CPHXL2: variants seen among roughly 807,000 people sequenced by gnomAD.
CPHXL2 encodes the protein cytoplasmic polyadenylated homeobox-like protein 2.
chr16:75,663,542 CCTTT>C, the CPHXL2 span, among the ~76,000 whole-genome samples: 1 of 152,168 alleles, frequency 6.6e-6, no homozygotes, highest in African/African-American at 2.4e-5. Context: ...ATTATACCCT[CCTTT>C]CTTTTGGGAT....
the CPHXL2 span, among the ~76,000 whole-genome samples, chr16:75,671,897 G>A: frequency 1.3e-5 from 2 of 152,216 alleles, no homozygotes; most frequent in East Asian, 1.9e-4. Flanking sequence ...AGCCATGTAA[G>A]GATGGCTTTT....
the CPHXL2 span, among the ~76,000 whole-genome samples, chr16:75,673,164 G>C: frequency 6.6e-6 from 1 of 151,362 alleles, no homozygotes. Flanking sequence ...GCCAGGTGTG[G>C]TGGCGCATGC....
chr16:75,671,397 GATCAGA>G, the CPHXL2 span, among the ~76,000 whole-genome samples: 9 of 148,848 alleles, frequency 6.0e-5, no homozygotes, highest in East Asian at 1.8e-3. Context: ...TACCTTTCCA[GATCAGA>G]ATTCTCAATT....
chr16:75,670,423 T>C, the CPHXL2 span, among the ~76,000 whole-genome samples: 1 of 152,122 alleles, frequency 6.6e-6, no homozygotes, highest in African/African-American at 2.4e-5. Context: ...GTTCCATGAG[T>C]GTAGCTGGTT....
At chr16:75,675,608 G>A in the CPHXL2 span, among the ~76,000 whole-genome samples, 11 of 152,214 alleles carry the variant, frequency 7.2e-5, no homozygotes, top group Non-Finnish European at 1.0e-4. Context: ...CTACCTTCAC[G>A]CCACACTCCA....
At chr16:75,663,553 G>C in the CPHXL2 span, among the ~76,000 whole-genome samples, 1 of 152,014 alleles carries the variant, frequency 6.6e-6, no homozygotes, top group African/African-American at 2.4e-5. Context: ...CTTTCTTTTG[G>C]GATTACTGAT....
chr16:75,662,457 G>C, the CPHXL2 span, among the ~76,000 whole-genome samples: 1 of 151,584 alleles, frequency 6.6e-6, no homozygotes, highest in Non-Finnish European at 1.5e-5. Context: ...GGGTGGGGCT[G>C]AAAGTCCCAA....
the CPHXL2 span, among the ~76,000 whole-genome samples, chr16:75,669,921 G>T: frequency 6.6e-6 from 1 of 152,154 alleles, no homozygotes; most frequent in Non-Finnish European, 1.5e-5. Flanking sequence ...CTGGATTTGA[G>T]AATTTATCTT....
chr16:75,671,197 A>G, the CPHXL2 span, among the ~76,000 whole-genome samples: 1 of 152,146 alleles, frequency 6.6e-6, no homozygotes, highest in South Asian at 2.1e-4. Context: ...AGCCTGGCCA[A>G]CATGAAACAA....
the CPHXL2 span, among the ~76,000 whole-genome samples, chr16:75,666,329 T>G: frequency 6.6e-6 from 1 of 152,002 alleles, no homozygotes; most frequent in Non-Finnish European, 1.5e-5. Flanking sequence ...AATACAATAA[T>G]AGTGGAGGAT....
the CPHXL2 span, among the ~76,000 whole-genome samples, chr16:75,676,777 A>G: frequency 2.0e-5 from 3 of 152,218 alleles, no homozygotes; most frequent in African/African-American, 7.2e-5. Context: ...AATTTTATAA[A>G]CAAGAATCAT....
At chr16:75,669,874 T>G in the CPHXL2 span, among the ~76,000 whole-genome samples, 1 of 152,256 alleles carries the variant, frequency 6.6e-6, no homozygotes, top group Non-Finnish European at 1.5e-5. Context: ...GAGGCTCAGA[T>G]GTGTCCAGGG....
At chr16:75,668,509 A>G in the CPHXL2 span, among the ~76,000 whole-genome samples, 82 of 152,214 alleles carry the variant, frequency 5.4e-4, no homozygotes, top group Middle Eastern at 6.8e-3. Flanking sequence ...TTACAGGCGT[A>G]AGCCACCGCA....
At chr16:75,663,644 G>C in the CPHXL2 span, among the ~76,000 whole-genome samples, 1 of 152,112 alleles carries the variant, frequency 6.6e-6, no homozygotes, top group Non-Finnish European at 1.5e-5. Context: ...AGCACTTTGG[G>C]AGGCCGAGGC....
the CPHXL2 span, among the ~76,000 whole-genome samples, chr16:75,669,795 C>T: frequency 6.6e-6 from 1 of 152,338 alleles, no homozygotes; most frequent in Non-Finnish European, 1.5e-5. Flanking sequence ...ACACCAGTCA[C>T]CAGCCACATT....
the CPHXL2 span, among the ~76,000 whole-genome samples, chr16:75,668,377 C>T: frequency 6.6e-6 from 1 of 151,926 alleles, no homozygotes; most frequent in African/African-American, 2.4e-5. Context: ...TACAGGCACG[C>T]ACCACCACTC....
chr16:75,670,661 A>G, the CPHXL2 span, among the ~76,000 whole-genome samples: 1 of 151,908 alleles, frequency 6.6e-6, no homozygotes, highest in Non-Finnish European at 1.5e-5. Flanking sequence ...ACCCTCAGCT[A>G]ATTTTTGTAT....
chr16:75,671,665 T>C, the CPHXL2 span, among the ~76,000 whole-genome samples: 1 of 152,064 alleles, frequency 6.6e-6, no homozygotes, highest in Admixed American at 6.6e-5. Context: ...AAACCCCAAA[T>C]AGAAACACAA....
At chr16:75,669,736 A>G in the CPHXL2 span, among the ~76,000 whole-genome samples, 2 of 152,194 alleles carry the variant, frequency 1.3e-5, no homozygotes, top group South Asian at 4.1e-4. Flanking sequence ...CTCTAGGCCT[A>G]TGGGCCAGAT....
Sources: allele counts gnomAD v4.1 joint callset (sites outside exome capture counted in the v4.1 genomes callset), GRCh38; gene constraint gnomAD v4.1.1; transcripts MANE v1.5; gene names NCBI Gene and HGNC (gene_info 2026-07-23, HGNC 2026-07-21).